The following CSMD1 variants were observed in gnomAD, a reference collection of about 807,000 sequenced individuals.
CSMD1 encodes the protein CUB and Sushi multiple domains 1.
A neutral mutation model predicts 417.5 loss-of-function variants in CSMD1; 213 were observed. The ratio of observed to expected loss-of-function variants is 0.51; its 90% CI spans 0.46 to 0.57. The LOEUF (loss-of-function observed/expected upper bound fraction) is 0.57, where lower values mean the gene tolerates loss of function less well. Ranked by LOEUF, CSMD1 falls within the 20% of genes least tolerant of loss-of-function variation. The pLI is 0.00. For missense variants in CSMD1, 6,923 were observed against 4,529.7 expected, an observed-to-expected ratio of 1.53 and a Z score of -15.17; for synonymous variants, 2,862 against 1,736.8, an observed-to-expected ratio of 1.65 and a Z score of -16.11.
At chr8:4,653,983 A>G (rs1804069899) in intron 1 of CSMD1, among the ~76,000 whole-genome samples, 1 of 152,090 alleles carries the variant, frequency 6.6e-6, no homozygotes, top group African/African-American at 2.4e-5. Context: ...ACTCATGATT[A>G]GGTTCCATTC....
chr8:3,966,906 T>A (rs1437322750), intron 5 of CSMD1, among the ~76,000 whole-genome samples: 1 of 152,228 alleles, frequency 6.6e-6, no homozygotes, highest in African/African-American at 2.4e-5. Context: ...ATGACTTGAA[T>A]GCCGATGAAT....
At chr8:3,644,805 C>G (rs1156879829) in intron 7 of CSMD1, among the ~76,000 whole-genome samples, 1 of 151,926 alleles carries the variant, frequency 6.6e-6, no homozygotes, top group African/African-American at 2.4e-5. Context: ...ACAGCATTTC[C>G]ACTTAACATC....
intron 3 of CSMD1, among the ~76,000 whole-genome samples, chr8:4,108,088 A>C (rs1801663585): frequency 6.6e-6 from 1 of 151,724 alleles, no homozygotes; most frequent in Non-Finnish European, 1.5e-5. Context: ...AGAGAGACAG[A>C]GAGAGAACAA....
At chr8:4,028,146 G>A (rs928353649) in intron 4 of CSMD1, among the ~76,000 whole-genome samples, 2 of 152,100 alleles carry the variant, frequency 1.3e-5, no homozygotes, top group Admixed American at 6.6e-5. Context: ...GAGAAAATGA[G>A]CATTTTAGAA....
intron 3 of CSMD1, among the ~76,000 whole-genome samples, chr8:4,230,610 G>C (rs1422196260): frequency 6.6e-6 from 1 of 152,166 alleles, no homozygotes; most frequent in South Asian, 2.1e-4. Flanking sequence ...TATGTATCAA[G>C]ATGTTTTTAA....
intron 12 of CSMD1, among the ~76,000 whole-genome samples, chr8:3,410,569 T>C (rs1236526023): frequency 3.3e-5 from 5 of 152,192 alleles, no homozygotes; most frequent in Non-Finnish European, 5.9e-5. Context: ...ATGTAAGACG[T>C]GACTTGTTCC....
chr8:4,379,621 G>C (rs917414642), intron 3 of CSMD1, among the ~76,000 whole-genome samples: 23 of 151,864 alleles, frequency 1.5e-4, no homozygotes, highest in Non-Finnish European at 3.2e-4. Flanking sequence ...TAAGCCATGA[G>C]ATTTATTAAC....
chr8:4,744,028 C>G (rs1400517554), intron 1 of CSMD1, among the ~76,000 whole-genome samples: 1 of 152,236 alleles, frequency 6.6e-6, no homozygotes, highest in Non-Finnish European at 1.5e-5. Context: ...CCACGCCAGG[C>G]TGGCACACGC....
chr8:3,770,331 C>A (rs1379544231), intron 5 of CSMD1, among the ~76,000 whole-genome samples: 1 of 152,166 alleles, frequency 6.6e-6, no homozygotes, highest in Non-Finnish European at 1.5e-5. Context: ...GAGTTCAAGA[C>A]CAGCCTGTCC....
intron 21 of CSMD1, among the ~76,000 whole-genome samples, chr8:3,352,874 A>T (rs77957243): frequency 0.084 from 12,817 of 152,184 alleles, 696 homozygotes; most frequent in Non-Finnish European, 0.12. Context: ...AAACAAACAA[A>T]AAACACGAAA....
intron 10 of CSMD1, among the ~76,000 whole-genome samples, chr8:3,512,196 T>G (rs941382115): frequency 6.6e-6 from 1 of 152,240 alleles, no homozygotes; most frequent in Admixed American, 6.5e-5. Context: ...CAGATGAGTC[T>G]GTCCACCTAA....
At chr8:4,759,242 G>C (rs145133530) in intron 1 of CSMD1, among the ~76,000 whole-genome samples, 20 of 152,204 alleles carry the variant, frequency 1.3e-4, no homozygotes, top group African/African-American at 1.9e-4. Context: ...CATCAGTGTC[G>C]TTGGATGATG....
At chr8:3,226,855 T>C (rs1798534527) in intron 27 of CSMD1, among the ~76,000 whole-genome samples, 1 of 151,644 alleles carries the variant, frequency 6.6e-6, no homozygotes, top group Non-Finnish European at 1.5e-5. Context: ...AATGAGTAAA[T>C]ATACTCTAAT....
chr8:3,322,063 T>A (rs1168882357), intron 23 of CSMD1, among the ~76,000 whole-genome samples: 2 of 152,204 alleles, frequency 1.3e-5, no homozygotes, highest in Admixed American at 6.5e-5. Flanking sequence ...AACATTTCCA[T>A]GGATTATTTT....
intron 55 of CSMD1, among the ~76,000 whole-genome samples, chr8:2,975,068 G>A (rs770418072): frequency 3.9e-5 from 6 of 152,160 alleles, no homozygotes; most frequent in Non-Finnish European, 7.3e-5. Context: ...TGTCAAATCT[G>A]CTTAATCTTC....
chr8:3,242,909 G>A (rs62504979), intron 26 of CSMD1, among the ~76,000 whole-genome samples: 43,020 of 151,798 alleles, frequency 0.28, 6,563 homozygotes, highest in Non-Finnish European at 0.35. Context: ...TAAGGCAGGC[G>A]TCCCTGAGTG....
At chr8:4,915,673 C>A (rs925360576) in intron 1 of CSMD1, among the ~76,000 whole-genome samples, 5 of 152,204 alleles carry the variant, frequency 3.3e-5, no homozygotes, top group Admixed American at 3.3e-4. Context: ...AACGTTAGCG[C>A]CCGGCGGCAG....
At position 3,087,146 on chromosome 8, in the gene CSMD1, T is replaced by G; in HGVS notation, c.7425A>C (p.Arg2475=). 6.2e-7 allele frequency: 1 copy of G among 1,613,808 alleles called. No individual in the cohort carries two copies. The highest frequency in any genetic ancestry group is 8.5e-7 in the Non-Finnish European group (1 of 1,179,898). ...MVGHSNATCR[R]NPLGMYQWDS... ...CCCACTGGTACATGCCAAGTGGGTT[T>G]CGTCTACAGGTTGCATTGCTGTGGC... Residue 2475 remains arginine (R), a synonymous_variant, in exon 49 of 70, where the codon CGA becomes CGC. Transcript: ENST00000635120.
chr8:3,329,758 G>T (rs145619971), intron 23 of CSMD1, among the ~76,000 whole-genome samples: 1 of 152,184 alleles, frequency 6.6e-6, no homozygotes, highest in South Asian at 2.1e-4. Context: ...CATGCCATCA[G>T]TCTGTGCAGG....
Sources: allele counts gnomAD v4.1 joint callset (sites outside exome capture counted in the v4.1 genomes callset), GRCh38; gene constraint gnomAD v4.1.1; transcripts MANE v1.5; gene names NCBI Gene and HGNC (gene_info 2026-07-23, HGNC 2026-07-21).